Variants in C7orf78 observed in about 807,000 individuals in gnomAD.
The protein encoded by C7orf78 is putative uncharacterized protein C7orf78.
the C7orf78 span, among the ~76,000 whole-genome samples, chr7:12,502,717 G>A: frequency 1.4e-4 from 22 of 151,734 alleles, no homozygotes; most frequent in African/African-American, 3.9e-4. Flanking sequence ...ATTTGACCCA[G>A]CCATCCCATT....
the C7orf78 span, chr7:12,483,713 C>CA: frequency 0.53 from 71,904 of 136,740 alleles, 19,058 homozygotes; most frequent in Middle Eastern, 0.56. Flanking sequence ...ACTAAAACTA[C>CA]AAAAAAAAAA....
At chr7:12,502,332 A>C in the C7orf78 span, among the ~76,000 whole-genome samples, 1 of 143,004 alleles carries the variant, frequency 7.0e-6, no homozygotes, top group South Asian at 2.4e-4. Flanking sequence ...CAACCTACTC[A>C]TCTGACAAAG....
chr7:12,506,619 C>T, the C7orf78 span, among the ~76,000 whole-genome samples: 1 of 151,844 alleles, frequency 6.6e-6, no homozygotes, highest in African/African-American at 2.4e-5. Flanking sequence ...GGGTGGGGAA[C>T]ATCACACGCT....
At chr7:12,496,660 ATTAC>A in the C7orf78 span, 2 of 152,204 alleles carry the variant, frequency 1.3e-5, no homozygotes, top group African/African-American at 4.8e-5. Flanking sequence ...TTTCTAGCCA[ATTAC>A]TTATAATTTA....
At chr7:12,491,959 C>T in the C7orf78 span, 4 of 152,126 alleles carry the variant, frequency 2.6e-5, no homozygotes, top group African/African-American at 4.8e-5. Context: ...ATTCTAAGTT[C>T]CAACAATCAT....
chr7:12,529,007 C>G, the C7orf78 span: 1 of 398,350 alleles, frequency 2.5e-6, no homozygotes, highest in Non-Finnish European at 4.4e-6. Context: ...CTAATTTTGA[C>G]GAAAGCCCCA....
At chr7:12,490,537 G>C in the C7orf78 span, among the ~76,000 whole-genome samples, 431 of 152,138 alleles carry the variant, frequency 2.8e-3, 6 homozygotes, top group African/African-American at 1.0e-2. Context: ...AGTCTGGAAA[G>C]GAAATTGCCT....
At chr7:12,502,435 C>T in the C7orf78 span, among the ~76,000 whole-genome samples, 1 of 151,958 alleles carries the variant, frequency 6.6e-6, no homozygotes, top group Admixed American at 6.6e-5. Flanking sequence ...CATGAACAGA[C>T]ACTTCTCAAA....
At chr7:12,501,349 A>T in the C7orf78 span, among the ~76,000 whole-genome samples, 44 of 148,344 alleles carry the variant, frequency 3.0e-4, no homozygotes, top group African/African-American at 1.1e-3. Context: ...CTCAGCCCAA[A>T]ATCTCCTTAA....
At chr7:12,495,972 C>A in the C7orf78 span, among the ~76,000 whole-genome samples, 1 of 151,982 alleles carries the variant, frequency 6.6e-6, no homozygotes, top group African/African-American at 2.4e-5. Context: ...TTCGCCCAAG[C>A]CAGACTGCAG....
chr7:12,483,563 A>T, the C7orf78 span: 2 of 152,046 alleles, frequency 1.3e-5, no homozygotes, highest in Non-Finnish European at 2.9e-5. Context: ...AGCTGCTACA[A>T]ATCTTTCATT....
the C7orf78 span, among the ~76,000 whole-genome samples, chr7:12,539,971 A>G: frequency 1.3e-3 from 193 of 152,348 alleles, no homozygotes; most frequent in African/African-American, 4.4e-3. Context: ...GAAGGAACTC[A>G]GATAAAACAA....
At chr7:12,519,168 A>G in the C7orf78 span, among the ~76,000 whole-genome samples, 1,909 of 152,208 alleles carry the variant, frequency 0.013, 25 homozygotes, top group Middle Eastern at 0.034. Flanking sequence ...CACAACCCAA[A>G]CATGTAGCTC....
the C7orf78 span, among the ~76,000 whole-genome samples, chr7:12,536,328 C>T: frequency 6.6e-6 from 1 of 152,192 alleles, no homozygotes; most frequent in South Asian, 2.1e-4. Flanking sequence ...GAGACTTGCA[C>T]CCTCTGAAGC....
At chr7:12,522,234 T>C in the C7orf78 span, among the ~76,000 whole-genome samples, 2 of 152,270 alleles carry the variant, frequency 1.3e-5, no homozygotes, top group Non-Finnish European at 2.9e-5. Context: ...ATTGTTGTAC[T>C]ATTTCTACTT....
At chr7:12,534,211 T>A in the C7orf78 span, among the ~76,000 whole-genome samples, 9 of 152,212 alleles carry the variant, frequency 5.9e-5, no homozygotes, top group Admixed American at 5.9e-4. Context: ...GTCATTTCTA[T>A]AATTTAAACT....
At chr7:12,526,441 AT>A in the C7orf78 span, among the ~76,000 whole-genome samples, 1 of 152,104 alleles carries the variant, frequency 6.6e-6, no homozygotes, top group African/African-American at 2.4e-5. Flanking sequence ...AGCATTTCTT[AT>A]TTGGATTAGG....
chr7:12,517,064 CA>C, the C7orf78 span, among the ~76,000 whole-genome samples: 28 of 152,032 alleles, frequency 1.8e-4, no homozygotes, highest in Non-Finnish European at 4.0e-4. Flanking sequence ...GGTGGAATGA[CA>C]TAGTTTAACT....
the C7orf78 span, among the ~76,000 whole-genome samples, chr7:12,504,054 T>A: frequency 1.3e-5 from 2 of 152,318 alleles, no homozygotes; most frequent in African/African-American, 2.4e-5. Flanking sequence ...TTGAAGAAAT[T>A]AAGTCAACCT....
Sources: allele counts gnomAD v4.1 joint callset (sites outside exome capture counted in the v4.1 genomes callset), GRCh38; gene constraint gnomAD v4.1.1; transcripts MANE v1.5; gene names NCBI Gene and HGNC (gene_info 2026-07-23, HGNC 2026-07-21).